CERS3: variants seen among roughly 807,000 people sequenced by gnomAD.
CERS3 encodes LAG1 homolog, ceramide synthase 3.
In CERS3, 33 loss-of-function variants were observed where a neutral mutation model predicts 50.3. The ratio of observed to expected loss-of-function variants is 0.66; its 90% CI spans 0.50 to 0.88. The LOEUF (loss-of-function observed/expected upper bound fraction) is 0.88, where lower values mean the gene tolerates loss of function less well. CERS3 is among the 40% of genes least tolerant of loss of function. The probability of loss-of-function intolerance (pLI) is 0.00; values close to 1 mark genes in which losing one functional copy is unlikely to be tolerated. For missense variants in CERS3, 470 were observed against 460.3 expected (o/e 1.02, Z -0.19); for synonymous variants, 176 against 155.2 (o/e 1.13, Z -0.99).
chr15:100,515,280 T>C (rs1303392204), intron 2 of CERS3, among the ~76,000 whole-genome samples: 1 of 152,220 alleles, frequency 6.6e-6, no homozygotes, highest in East Asian at 1.9e-4. Flanking sequence ...ATCTTTTGGA[T>C]TTTAACAATT....
At chr15:100,417,980 A>G (rs1377162701) in intron 11 of CERS3, among the ~76,000 whole-genome samples, 2 of 152,150 alleles carry the variant, frequency 1.3e-5, no homozygotes, top group Non-Finnish European at 2.9e-5. Flanking sequence ...AAAGATGGGG[A>G]AAAAACAGAA....
chr15:100,533,492 C>A (rs1020877999), upstream of CERS3, among the ~76,000 whole-genome samples: 6 of 151,484 alleles, frequency 4.0e-5, no homozygotes, highest in African/African-American at 1.5e-4. Flanking sequence ...CTTTTCTTTT[C>A]TTTTCTCCTT....
chr15:100,478,575 G>A (rs1377308894), intron 7 of CERS3, among the ~76,000 whole-genome samples: 5 of 148,974 alleles, frequency 3.4e-5, no homozygotes, highest in Admixed American at 3.3e-4. Context: ...AGAGAAAAAA[G>A]GCATTATGTT....
At chr15:100,510,902 A>G (rs945578717) in intron 2 of CERS3, among the ~76,000 whole-genome samples, 1 of 152,230 alleles carries the variant, frequency 6.6e-6, no homozygotes, top group Non-Finnish European at 1.5e-5. Flanking sequence ...CTAATAATAC[A>G]GAGAAAATAA....
At chr15:100,444,755 A>C (rs1182108934) in intron 11 of CERS3, among the ~76,000 whole-genome samples, 1 of 152,204 alleles carries the variant, frequency 6.6e-6, no homozygotes. Flanking sequence ...CTGAGTCAGG[A>C]AACTAAAATA....
At chr15:100,488,952 T>C (rs2035568553) in intron 4 of CERS3, among the ~76,000 whole-genome samples, 1 of 152,116 alleles carries the variant, frequency 6.6e-6, no homozygotes, top group South Asian at 2.1e-4. Flanking sequence ...AATTTTTGTA[T>C]TTTTAGTAGA....
At chr15:100,485,045 T>C (rs1234950217) in intron 4 of CERS3, among the ~76,000 whole-genome samples, 2 of 152,178 alleles carry the variant, frequency 1.3e-5, no homozygotes, top group Admixed American at 6.5e-5. Flanking sequence ...CTCCTCATTT[T>C]TCCTATGGGG....
intron 5 of CERS3, among the ~76,000 whole-genome samples, chr15:100,483,226 A>T (rs538383434): frequency 6.6e-6 from 1 of 152,216 alleles, no homozygotes; most frequent in South Asian, 2.1e-4. Flanking sequence ...ACACATCTAA[A>T]CATGATGTTG....
intron 1 of CERS3, among the ~76,000 whole-genome samples, chr15:100,543,112 A>T (rs1335178380): frequency 6.6e-6 from 1 of 152,040 alleles, no homozygotes; most frequent in Non-Finnish European, 1.5e-5. Flanking sequence ...GGGTTTCACT[A>T]TGTTGGCTAG....
At position 100,458,762 on chromosome 15, in the gene CERS3, C is replaced by T. The variant is rs368006633; in HGVS notation, c.846-2716G>A. On this transcript the variant is annotated intron_variant, in intron 10 of 11. Transcript: ENST00000679737. The stretch of plus-strand genomic sequence containing the variant: ...TCTCAAAACTATATTCTTTAAAGTG[C>T]TTCTATTTTGCCCCTCCTATCACCA... 1.1e-4 allele frequency among the ~76,000 whole-genome samples: 16 copies of T among 152,220 alleles called. No homozygotes were observed. The South Asian group carries it at 2.7e-3, about 26-fold the overall frequency.
chr15:100,529,570 G>A (rs1462266465), upstream of CERS3, among the ~76,000 whole-genome samples: 1 of 152,192 alleles, frequency 6.6e-6, no homozygotes, highest in African/African-American at 2.4e-5. Flanking sequence ...TTAGTATCAG[G>A]AAATAAACAT....
intron 11 of CERS3, among the ~76,000 whole-genome samples, chr15:100,445,592 A>C (rs1381211280): frequency 2.6e-5 from 4 of 152,100 alleles, no homozygotes; most frequent in Admixed American, 6.5e-5. Flanking sequence ...GTTTCTTCTA[A>C]CAACCGCACA....
intron 1 of CERS3, among the ~76,000 whole-genome samples, chr15:100,539,322 C>A (rs960564137): frequency 6.6e-6 from 1 of 152,192 alleles, no homozygotes; most frequent in South Asian, 2.1e-4. Context: ...TTTTGGGTAC[C>A]TTTATAGCAG....
chr15:100,499,564 G>A (rs976834092), intron 3 of CERS3, among the ~76,000 whole-genome samples: 7 of 152,124 alleles, frequency 4.6e-5, no homozygotes, highest in Admixed American at 6.5e-5. Flanking sequence ...TAGTACTAAA[G>A]GACAATAATG....
intron 1 of CERS3, among the ~76,000 whole-genome samples, chr15:100,535,647 G>A (rs544275618): frequency 1.3e-5 from 2 of 151,356 alleles, no homozygotes; most frequent in South Asian, 2.1e-4. Context: ...ATATGTGCAC[G>A]GGAAGTGGGG....
intron 3 of CERS3, among the ~76,000 whole-genome samples, chr15:100,492,426 C>T (rs2035680568): frequency 6.6e-6 from 1 of 152,160 alleles, no homozygotes; most frequent in African/African-American, 2.4e-5. Context: ...ATCATCTGGA[C>T]AGATTTACCC....
chr15:100,495,255 G>A (rs78428466), intron 3 of CERS3, among the ~76,000 whole-genome samples: 2,208 of 152,280 alleles, frequency 0.014, 55 homozygotes, highest in African/African-American at 0.05. Context: ...GTTCTTCAAG[G>A]CTATCCAGAG....
At chr15:100,494,922 C>T (rs1201805100) in intron 3 of CERS3, among the ~76,000 whole-genome samples, 2 of 152,244 alleles carry the variant, frequency 1.3e-5, no homozygotes, top group East Asian at 3.8e-4. Context: ...ATGCACATCT[C>T]ATGTTCTAGG....
intron 11 of CERS3, among the ~76,000 whole-genome samples, chr15:100,454,916 G>A (rs991422825): frequency 6.6e-6 from 1 of 151,962 alleles, no homozygotes; most frequent in Admixed American, 6.6e-5. Context: ...CATTAAAAAG[G>A]GGCAAAGGAC....
Sources: gnomAD v4.1 joint callset for allele counts (sites outside exome capture counted in the v4.1 genomes callset) on GRCh38, gnomAD v4.1.1 for gene constraint, MANE v1.5 for transcripts, NCBI Gene and HGNC (gene_info 2026-07-23, HGNC 2026-07-21) for gene names.